Variants in PCDHA8 observed in about 807,000 individuals in gnomAD.
PCDHA8 encodes protocadherin alpha-8.
In PCDHA8, 53 loss-of-function variants were observed where a neutral mutation model predicts 61.8. The observed-to-expected ratio is 0.86, with a 90% CI of 0.69 to 1.08. The LOEUF is 1.08. Ranked by LOEUF, PCDHA8 falls within the 50% of genes least tolerant of loss-of-function variation. The pLI, the probability that PCDHA8 is intolerant of heterozygous loss-of-function variation, is 0.00. For missense variants in PCDHA8, 1,293 were observed against 1,245.0 expected (o/e 1.04, Z -0.58); for synonymous variants, 618 against 556.6 (o/e 1.11, Z -1.55).
At position 140,841,575 on chromosome 5, in the gene PCDHA8, T is replaced by C. The variant is rs1220947138; in HGVS notation, c.254T>C (p.Phe85Ser). ...GTAAGTCTGCAGAATGGCATTTTGT[T>C]TGTGAATTCTCGGATCGACCGCGAG... ...LEVSLQNGIL[F>S]VNSRIDREEL... Residue 85 changes from phenylalanine (F) to serine (S), a missense_variant, in exon 1 of 4, where the codon TTT becomes TCT. Coordinates refer to ENST00000531613, the MANE Select transcript of PCDHA8 (RefSeq NM_018911.3). 6.2e-7 allele frequency: 1 copy of C among 1,613,812 alleles called. No individual in the cohort carries two copies. The highest frequency in any genetic ancestry group is 8.5e-7 in the Non-Finnish European group (1 of 1,179,986).
At chr5:140,882,080 C>A in intron 1 of PCDHA8, 1 of 970,966 alleles carries the variant, frequency 1.0e-6, no homozygotes, top group Non-Finnish European at 1.5e-6. Flanking sequence ...CATGGTGTCG[C>A]TCTTCACTGA....
chr5:140,878,033 A>G, intron 1 of PCDHA8: 2 of 574,166 alleles, frequency 3.5e-6, no homozygotes, highest in Non-Finnish European at 5.4e-6. Context: ...TGTAGGTACA[A>G]TGGAGGCCAT....
chr5:140,927,265 C>G lies in PCDHA8; in HGVS notation c.2395-51684C>G, dbSNP rs2084026948. The G allele has an allele frequency of 6.2e-7, 1 of 1,614,168 alleles. No individual in the cohort carries two copies. Among genetic ancestry groups the G allele is most frequent in the Non-Finnish European group, 8.5e-7 (1 of 1,180,038 alleles). On this transcript the variant is annotated intron_variant, in intron 1 of 3. Coordinates refer to ENST00000531613, the MANE Select transcript of PCDHA8 (RefSeq NM_018911.3). ...CACCAATGACAACTCACCTCTCTTTCCTGCCGGCGACGTGCAGCTGCACAT... is the reference window on the plus strand; with the variant it reads ...CACCAATGACAACTCACCTCTCTTTGCTGCCGGCGACGTGCAGCTGCACAT...
At chr5:140,953,118 A>G (rs2094850559) in intron 1 of PCDHA8, among the ~76,000 whole-genome samples, 1 of 152,162 alleles carries the variant, frequency 6.6e-6, no homozygotes, top group Non-Finnish European at 1.5e-5. Context: ...AGGGACACAG[A>G]TCTAAACCGT....
chr5:141,005,000 G>A (rs2098192261), intron 3 of PCDHA8, among the ~76,000 whole-genome samples: 1 of 152,176 alleles, frequency 6.6e-6, no homozygotes, highest in Non-Finnish European at 1.5e-5. Context: ...GGTCTCCTAA[G>A]CCCTGAGAGC....
intron 1 of PCDHA8, 137 bp downstream of exon 1, chr5:140,843,852 T>C: frequency 2.1e-6 from 2 of 964,906 alleles, no homozygotes; most frequent in Non-Finnish European, 3.1e-6. Flanking sequence ...AAACCTTTTA[T>C]AATTAATTGA....
intron 1 of PCDHA8, among the ~76,000 whole-genome samples, chr5:140,935,394 G>A (rs959098226): frequency 2.0e-5 from 3 of 152,088 alleles, no homozygotes; most frequent in East Asian, 1.9e-4. Flanking sequence ...GTTATCCCAC[G>A]GGACTCAAAC....
chr5:140,859,387 C>A, intron 1 of PCDHA8: 2 of 268,138 alleles, frequency 7.5e-6, no homozygotes, highest in South Asian at 8.3e-5. Context: ...CTTCTCTAGT[C>A]ATCTTAAACA....
At chr5:140,952,349 A>T (rs1554220373) in intron 1 of PCDHA8, among the ~76,000 whole-genome samples, 2 of 152,000 alleles carry the variant, frequency 1.3e-5, no homozygotes, top group African/African-American at 4.8e-5. Flanking sequence ...AAAAAAAAAA[A>T]AAAAAGAAAG....
Position 140,843,391 on chromosome 5 carries a change from A to G in PCDHA8, c.2070A>G (p.Glu690=), listed in dbSNP as rs1554140017. The change falls in exon 1 of 4, where the codon GAA becomes GAG. Residue 690 remains glutamate (E), a synonymous_variant. Transcript: ENST00000531613. ...AGTCGGCTGGCGTTTTGGGTCCGGA[A>G]GCGGCGCTGGTGGATGTCAACGTGT... ...SRQSAGVLGP[E]AALVDVNVYL... 7.5e-6 allele frequency: 12 copies of G among 1,596,022 alleles called. 1 individual carries two copies. The highest frequency in any genetic ancestry group is 8.6e-6 in the Non-Finnish European group (10 of 1,165,574).
At chr5:140,901,482 G>A (rs1348405650) in intron 1 of PCDHA8, among the ~76,000 whole-genome samples, 8 of 152,010 alleles carry the variant, frequency 5.3e-5, no homozygotes, top group African/African-American at 1.9e-4. Context: ...TATGTTCTTG[G>A]CACCTTCATC....
At chr5:140,882,556 T>A (rs367760301) in intron 1 of PCDHA8, 11 of 1,614,194 alleles carry the variant, frequency 6.8e-6, no homozygotes, top group Non-Finnish European at 9.3e-6. Flanking sequence ...AGGAGCTGTG[T>A]GGGCGGAGCG....
chr5:140,989,517 G>A (rs782479733), intron 3 of PCDHA8, among the ~76,000 whole-genome samples: 4 of 152,186 alleles, frequency 2.6e-5, no homozygotes, highest in Non-Finnish European at 5.9e-5. Flanking sequence ...CCTGAGTTGA[G>A]GGCAGAGGAG....
chr5:140,861,504 G>A (rs900432439), intron 1 of PCDHA8: 5 of 480,672 alleles, frequency 1.0e-5, no homozygotes, highest in African/African-American at 2.0e-5. Context: ...GATAGACCTC[G>A]AGGAGCTGTG....
At chr5:140,923,185 A>G (rs536691139) in intron 1 of PCDHA8, among the ~76,000 whole-genome samples, 1 of 152,324 alleles carries the variant, frequency 6.6e-6, no homozygotes, top group East Asian at 1.9e-4. Flanking sequence ...AGATGCATCT[A>G]CTGCAGCAAT....
In PCDHA8 at chr5:140,872,829, G is replaced by GA. The variant is rs1562676145; in HGVS notation, c.2394+29120dup. ...AAGTTTTTCAGATTCATCTAGCAGA[G>GA]AAAAAATTAAATATATTAATGTGAG... is the stretch of plus-strand genomic sequence containing the variant. On this transcript the variant is annotated intron_variant, in intron 1 of 3. Transcript: ENST00000531613. Among the ~76,000 whole-genome samples, 5 of 152,156 alleles carry GA rather than the reference G, an allele frequency of 3.3e-5. No homozygotes were observed. The South Asian group carries it at 8.3e-4, about 25-fold the overall frequency.
Position 140,927,198 on chromosome 5 carries a change from G to T in PCDHA8, c.2395-51751G>T. On this transcript the variant is annotated intron_variant, in intron 1 of 3. Transcript: ENST00000531613. ...TCTTGACCTACGACCTGGTGCTCGA[G>T]GACCCGCTGGAGCTGCACAAGATTC... 3 of 1,614,162 alleles carry T rather than the reference G, an allele frequency of 1.9e-6. No homozygotes were observed. In the South Asian group the frequency reaches 3.3e-5, roughly 18 times the overall value.
intron 3 of PCDHA8, among the ~76,000 whole-genome samples, chr5:140,993,452 T>C (rs1218728585): frequency 1.5e-5 from 2 of 135,256 alleles, no homozygotes; most frequent in Non-Finnish European, 3.1e-5. Flanking sequence ...CTGTTCTCCT[T>C]CTTTCTTTCT....
intron 1 of PCDHA8, chr5:140,851,576 G>C: frequency 1.1e-6 from 1 of 913,534 alleles, no homozygotes; most frequent in Non-Finnish European, 1.3e-6. Context: ...TCTACACTTA[G>C]AACATTTTTT....
Sources: gnomAD v4.1 joint callset for allele counts (sites outside exome capture counted in the v4.1 genomes callset) on GRCh38, gnomAD v4.1.1 for gene constraint, MANE v1.5 for transcripts, NCBI Gene and HGNC (gene_info 2026-07-23, HGNC 2026-07-21) for gene names.